Variants in APOB observed in about 807,000 individuals in gnomAD.
APOB encodes the protein apolipoprotein B.
In APOB, 153 loss-of-function variants were observed where a neutral mutation model predicts 314.1. The ratio of observed to expected loss-of-function variants is 0.49; its 90% CI spans 0.43 to 0.56. The LOEUF is 0.56. Ranked by LOEUF, APOB falls within the 20% of genes least tolerant of loss-of-function variation. The pLI is 0.00. For missense variants in APOB, 5,430 were observed against 5,350.7 expected, an observed-to-expected ratio of 1.01 and a Z score of -0.46; for synonymous variants, 2,087 against 2,036.4, an observed-to-expected ratio of 1.02 and a Z score of -0.67.
chr2:21,011,668 C>T lies in APOB; in HGVS notation c.5200G>A (p.Glu1734Lys). ...KNIFNFKVSQ[E>K]GLKLSNDMMG... ...ATGTCATTTGAGAGCTTAAGTCCTTCTTGACTGACCTTGAAGTTGAAAATG... is the reference window on the plus strand; with the variant it reads ...ATGTCATTTGAGAGCTTAAGTCCTTTTTGACTGACCTTGAAGTTGAAAATG... Residue 1734 changes from glutamate (E) to lysine (K), a missense_variant, in exon 26 of 29, where the codon GAA becomes AAA. This residue lies in a region of APOB where 2,085 missense variants were observed against 2,079.7 expected (regional missense o/e 1.00). Transcript: ENST00000233242. 6.2e-7 allele frequency: 1 copy of T among 1,614,210 alleles called. No homozygotes were observed. The highest frequency in any genetic ancestry group is 8.5e-7 in the Non-Finnish European group (1 of 1,180,042).
chr2:21,004,527 G>T (rs774067597), intron 27 of APOB, 34 bp downstream of exon 27: 5 of 1,611,958 alleles, frequency 3.1e-6, no homozygotes, highest in Non-Finnish European at 4.2e-6. Flanking sequence ...GTTTTCAAAA[G>T]GTATAAGGTT....
chr2:21,004,451 C>T lies in APOB; in HGVS notation c.11905G>A (p.Glu3969Lys), dbSNP rs1466304592. 1.6e-5 allele frequency: 26 copies of T among 1,613,922 alleles called. No individual in the cohort carries two copies. Among genetic ancestry groups the T allele is most frequent in the Non-Finnish European group, 1.8e-5 (21 of 1,179,894 alleles). ...TTGAGGTGCGCTTTTCCTTCCCATT[C>T]CCTGAAAGCAGAAAAACAGATGAGC... is the stretch of plus-strand genomic sequence containing the variant. ...EEDGKYEGLQ[E>K]WEGKAHLNIK... Residue 3969 changes from glutamate to lysine, a missense_variant and splice_region_variant, in exon 28 of 29, where the codon GAA becomes AAA. Physicochemically the swap from Glu to Lys is moderately conservative, Grantham distance 56. This residue lies in a region of APOB where 3,281 missense variants were observed against 3,171.0 expected (regional missense o/e 1.03). Coordinates refer to ENST00000233242, the MANE Select transcript of APOB (RefSeq NM_000384.3).
intron 2 of APOB, among the ~76,000 whole-genome samples, chr2:21,043,092 C>A: frequency 6.7e-6 from 1 of 149,712 alleles, no homozygotes; most frequent in Non-Finnish European, 1.5e-5. Context: ...CAGGGTCGCG[C>A]TTGGAGGCCA....
chr2:21,023,585 T>G lies in APOB; in HGVS notation c.2544A>C (p.Ile848=). 6.2e-7 allele frequency: 1 copy of G among 1,614,198 alleles called. No individual in the cohort carries two copies. The highest frequency in any genetic ancestry group is 8.5e-7 in the Non-Finnish European group (1 of 1,180,028). ...LPTGAGLQLQ[I]SSSGVIAPGA... ...CGGGAGCAATGACTCCAGATGAAGATATTTGCAACTGTAATCCAGCTCCAG... is the reference window on the plus strand; with the variant it reads ...CGGGAGCAATGACTCCAGATGAAGAGATTTGCAACTGTAATCCAGCTCCAG... The change falls in exon 17 of 29, where the codon ATA becomes ATC. Residue 848 remains isoleucine (I), a synonymous_variant. Transcript: ENST00000233242.
chr2:21,013,626 C>T (rs1369174875), intron 24 of APOB, 93 bp from the exon 25 acceptor site: 9 of 1,567,242 alleles, frequency 5.7e-6, no homozygotes, highest in Non-Finnish European at 7.0e-6. Flanking sequence ...TTGTACTTGC[C>T]CCATTCCCAA....
rs747215447 is a variant in APOB, at chr2:21,006,514, G to C, written c.10354C>G (p.Pro3452Ala). The C allele has an allele frequency of 5.0e-6, 8 of 1,614,008 alleles. No homozygotes were observed. The highest frequency in any genetic ancestry group is 6.8e-6 in the Non-Finnish European group (8 of 1,179,996). ...AATTCCATGGAGGAAGAGACAGTAG[G>C]TTTTGACTTGGTATTTCCATTAAGT... ...QELNGNTKSK[P>A]TVSSSMEFKY... is the part of the protein sequence containing the mutation. Residue 3452 changes from proline to alanine, a missense_variant, in exon 26 of 29, where the codon CCT becomes GCT. This residue lies in a region of APOB where 3,281 missense variants were observed against 3,171.0 expected (regional missense o/e 1.03). Coordinates refer to ENST00000233242, the MANE Select transcript of APOB (RefSeq NM_000384.3).
At chr2:21,015,628 G>C in intron 21 of APOB, 83 bp from the exon 22 acceptor site, 1 of 1,466,742 alleles carries the variant, frequency 6.8e-7, no homozygotes, top group African/African-American at 1.4e-5. Context: ...TTCCATTTGT[G>C]GTGATCAAAA....
rs1663299832 is a variant in APOB at position 21,010,992 on chromosome 2, C to T, written c.5876G>A (p.Ser1959Asn). The T allele has an allele frequency of 1.2e-6, 2 of 1,614,048 alleles. No homozygotes were observed. The highest frequency in any genetic ancestry group is 1.7e-5 in the Admixed American group (1 of 60,004). The stretch of plus-strand genomic sequence containing the variant: ...TTTGTGTTCAAGAGCTGCACTGATG[C>T]TTTTCCTAGACACGAGATGATGACT... The part of the protein sequence containing the change: ...STSHHLVSRK[S>N]ISAALEHKVS... The change falls in exon 26 of 29, where the codon AGC (serine) becomes AAC (asparagine). Residue 1959 changes from serine (S) to asparagine (N), a missense_variant. By Grantham distance (46) the Ser-to-Asn change is conservative. Coordinates refer to ENST00000233242, the MANE Select transcript of APOB (RefSeq NM_000384.3).
Position 21,032,545 on chromosome 2 carries a change from C to A in APOB, c.1161G>T (p.Gln387His). 6.2e-7 allele frequency: 1 copy of A among 1,614,168 alleles called. No individual in the cohort carries two copies. The highest frequency in any genetic ancestry group is 2.2e-5 in the East Asian group (1 of 44,888). Residue 387 changes from glutamine to histidine, a missense_variant, in exon 10 of 29, where the codon CAG becomes CAT. Physicochemically the swap from Gln to His is conservative, Grantham distance 24. Coordinates refer to ENST00000233242, the MANE Select transcript of APOB (RefSeq NM_000384.3). ...GGAGGATGTGAGTGGAGCACTGAGG[C>A]TGTCCACACTGAACCAAGGCTTGTA... is the stretch of plus-strand genomic sequence containing the variant. ...ITLQALVQCG[Q>H]PQCSTHILQW...
At chr2:21,013,559 C>T (rs762956788) in intron 24 of APOB, 26 bp from the exon 25 acceptor site, 10 of 1,613,580 alleles carry the variant, frequency 6.2e-6, no homozygotes, top group East Asian at 4.5e-5. Context: ...AAGATAACAT[C>T]CCCACAGTCA....
chr2:21,007,822 C>T lies in APOB; in HGVS notation c.9046G>A (p.Glu3016Lys). The part of the protein sequence containing the change: ...GMALFGEGKA[E>K]FTGRHDAHLN... ...TGAGCATCATGCCTCCCAGTAAACT[C>T]TGCCTTCCCTTCTCCAAACAGTGCC... The change falls in exon 26 of 29, where the codon GAG becomes AAG. Residue 3016 changes from glutamate to lysine, a missense_variant. Coordinates refer to ENST00000233242, the MANE Select transcript of APOB (RefSeq NM_000384.3). The T allele has an allele frequency of 1.9e-6, 3 of 1,614,114 alleles. No individual in the cohort carries two copies. Among genetic ancestry groups the T allele is most frequent in the Non-Finnish European group, 2.5e-6 (3 of 1,179,968 alleles).
rs946381073 is a variant in APOB, at chr2:21,019,879, G to A, written c.2843C>T (p.Thr948Ile). Residue 948 changes from threonine to isoleucine, a missense_variant, in exon 19 of 29, where the codon ACC becomes ATC. By Grantham distance (89) the Thr-to-Ile change is moderately conservative (BLOSUM62 -1). Around this residue, in one of 3 missense-constraint regions of APOB, gnomAD observed 2,085 missense variants for 2,079.7 expected, o/e 1.00. Coordinates refer to ENST00000233242, the MANE Select transcript of APOB (RefSeq NM_000384.3). ...GAGAGGTGGGATCACCTCCGTTTTG[G>A]TGGTAGAGACCAAATGTAATGTGTT... is the stretch of plus-strand genomic sequence containing the variant. Reference protein sequence around the residue: ...GGNTLHLVSTTKTEVIPPLIE... With the variant: ...GGNTLHLVSTIKTEVIPPLIE... 6.2e-7 allele frequency: 1 copy of A among 1,614,064 alleles called. No individual in the cohort carries two copies. The highest frequency in any genetic ancestry group is 1.3e-5 in the African/African-American group (1 of 74,934).
At chr2:21,034,416 A>G (rs113188105) in intron 8 of APOB, among the ~76,000 whole-genome samples, 3 of 152,346 alleles carry the variant, frequency 2.0e-5, no homozygotes, top group African/African-American at 7.2e-5. Flanking sequence ...GTTGGACTTG[A>G]GATTGTTAGA....
intron 15 of APOB, 103 bp downstream of exon 15, chr2:21,026,685 C>T (rs1663738605): frequency 1.0e-6 from 1 of 973,996 alleles, no homozygotes; most frequent in Non-Finnish European, 1.7e-6. Context: ...CATAGTTATC[C>T]CTTCAGTTAG....
Position 21,012,290 on chromosome 2 carries a change from G to A in APOB, c.4578C>T (p.Tyr1526=), listed in dbSNP as rs943993875. ...CTGTTATCTGGTTGGTGCCTTGGAG[G>A]TAGGAGGAGTTAAACCTCAGGTTGG... ...GESNLRFNSS[Y]LQGTNQITGR... The change falls in exon 26 of 29, where the codon TAC becomes TAT. Residue 1526 remains tyrosine, a synonymous_variant. Coordinates refer to ENST00000233242, the MANE Select transcript of APOB (RefSeq NM_000384.3). 2.5e-6 allele frequency: 4 copies of A among 1,614,004 alleles called. No homozygotes were observed. Among genetic ancestry groups the A allele is most frequent in the Non-Finnish European group, 2.5e-6 (3 of 1,180,018 alleles).
chr2:21,009,373 C>A lies in APOB; in HGVS notation c.7495G>T (p.Ala2499Ser). 1 of 1,614,074 alleles carries A rather than the reference C, an allele frequency of 6.2e-7. No homozygotes were observed. The highest frequency in any genetic ancestry group is 8.5e-7 in the Non-Finnish European group (1 of 1,179,966). Residue 2499 changes from alanine to serine, a missense_variant, in exon 26 of 29, where the codon GCT becomes TCT. Around this residue, in one of 3 missense-constraint regions of APOB, gnomAD observed 3,281 missense variants for 3,171.0 expected, o/e 1.03. Transcript: ENST00000233242. ...ITLIINWLQE[A>S]LSSASLAHMK... is the part of the protein sequence containing the mutation. ...TGAGCCAAAGATGCTGAACTTAAAG[C>A]CTCCTGTAACCAATTGATGATTAAG...
chr2:21,015,041 A>G, intron 23 of APOB, 32 bp downstream of exon 23: 1 of 1,595,112 alleles, frequency 6.3e-7, no homozygotes, highest in Non-Finnish European at 8.6e-7. Context: ...ACTTATATCC[A>G]TGTATTTATT....
At chr2:21,032,270 G>A in intron 10 of APOB, 84 bp downstream of exon 10, 1 of 1,221,530 alleles carries the variant, frequency 8.2e-7, no homozygotes, top group South Asian at 1.2e-5. Context: ...AGTGGAAGGA[G>A]GGGTTCAGTT....
intron 2 of APOB, 23 bp downstream of exon 2, chr2:21,043,490 C>T (rs201401314): frequency 2.5e-6 from 4 of 1,595,924 alleles, no homozygotes; most frequent in Non-Finnish European, 3.4e-6. Context: ...CGCCCTTCCA[C>T]GCCCCATGCG....
Sources: gnomAD v4.1 joint callset for allele counts (sites outside exome capture counted in the v4.1 genomes callset) on GRCh38, gnomAD v4.1.1 for gene constraint, gnomAD v4.1.1 regional missense constraint, MANE v1.5 for transcripts, NCBI Gene and HGNC (gene_info 2026-07-23, HGNC 2026-07-21) for gene names.